Variants in SPOCK1 observed in about 807,000 individuals in gnomAD.
The protein encoded by SPOCK1 is SPARC (osteonectin), cwcv and kazal like domains proteoglycan 1.
A neutral mutation model predicts 55.3 loss-of-function variants in SPOCK1; 23 were observed. The ratio of observed to expected loss-of-function variants is 0.42; its 90% CI spans 0.30 to 0.59. The LOEUF (loss-of-function observed/expected upper bound fraction) is 0.59. SPOCK1 is among the 20% of genes least tolerant of loss of function. SPOCK1 has a pLI of 0.22. For missense variants in SPOCK1, 499 were observed against 552.5 expected, an observed-to-expected ratio of 0.90 and a Z score of 0.97; for synonymous variants, 226 against 221.0, an observed-to-expected ratio of 1.02 and a Z score of -0.20.
Position 137,487,308 on chromosome 5 carries a change from G to A in SPOCK1, c.186+11065C>T, listed in dbSNP as rs1336596821. Among the ~76,000 whole-genome samples the A allele has an allele frequency of 2.0e-5, 3 of 150,204 alleles. 1 individual carries two copies. The East Asian group carries it at 5.8e-4, about 29-fold the overall frequency. On this transcript the variant is annotated intron_variant, in intron 2 of 10. Coordinates refer to ENST00000394945, the MANE Select transcript of SPOCK1 (RefSeq NM_004598.4). ...TTGATGAGTCCTTTTTTAGGGGGCA[G>A]GGGAGTGGATGCCTTCTGATCTTTC...
At chr5:136,987,772 C>T (rs771859363) in intron 8 of SPOCK1, among the ~76,000 whole-genome samples, 8 of 151,772 alleles carry the variant, frequency 5.3e-5, no homozygotes, top group Non-Finnish European at 1.0e-4. Context: ...GTCCCATTAA[C>T]TGTGACTGCC....
intron 3 of SPOCK1, among the ~76,000 whole-genome samples, chr5:137,212,587 G>A (rs552723225): frequency 1.3e-5 from 2 of 152,320 alleles, no homozygotes; most frequent in East Asian, 3.9e-4. Context: ...GGCCTGATTT[G>A]CCTGCATAGT....
At chr5:137,434,020 T>C (rs1444502794) in intron 2 of SPOCK1, among the ~76,000 whole-genome samples, 1 of 152,206 alleles carries the variant, frequency 6.6e-6, no homozygotes, top group East Asian at 1.9e-4. Context: ...CAACAGCAAT[T>C]TTAGTGACAT....
At chr5:137,180,794 G>GC (rs1561463595) in intron 3 of SPOCK1, among the ~76,000 whole-genome samples, 1 of 152,254 alleles carries the variant, frequency 6.6e-6, no homozygotes, top group South Asian at 2.1e-4. Flanking sequence ...CAAAATAGAA[G>GC]CCCCCAGGGT....
intron 9 of SPOCK1, among the ~76,000 whole-genome samples, chr5:136,983,927 C>G (rs1750785778): frequency 6.6e-6 from 1 of 152,150 alleles, no homozygotes; most frequent in Admixed American, 6.5e-5. Context: ...ACAGGTGACC[C>G]TTACCAATGA....
At position 137,288,231 on chromosome 5, in the gene SPOCK1, G is replaced by A. The variant is rs766485799; in HGVS notation, c.187-21176C>T. On this transcript the variant is annotated intron_variant, in intron 2 of 10. Transcript: ENST00000394945. Reference sequence around the variant, plus strand: ...TCTATCTCAATTTTGGTAAAGTTCCGTGGCTCAATGCACACTGCTACTGAC... The same window carrying A: ...TCTATCTCAATTTTGGTAAAGTTCCATGGCTCAATGCACACTGCTACTGAC... Among the ~76,000 whole-genome samples, 6 of 152,250 alleles carry A rather than the reference G, an allele frequency of 3.9e-5. 1 individual carries two copies. In the East Asian group the frequency reaches 5.8e-4, roughly 15 times the overall value.
chr5:137,006,832 A>G (rs759838175), intron 6 of SPOCK1, among the ~76,000 whole-genome samples: 3 of 152,066 alleles, frequency 2.0e-5, no homozygotes, highest in Non-Finnish European at 4.4e-5. Context: ...TTGCTGTGGG[A>G]TTGTCATAAA....
At chr5:137,181,320 T>C (rs770565812) in intron 3 of SPOCK1, among the ~76,000 whole-genome samples, 4 of 152,200 alleles carry the variant, frequency 2.6e-5, no homozygotes, top group Non-Finnish European at 4.4e-5. Context: ...CTTTATTCCA[T>C]AATCAGTGAG....
intron 2 of SPOCK1, among the ~76,000 whole-genome samples, chr5:137,474,713 G>A (rs999279947): frequency 2.6e-5 from 4 of 152,136 alleles, no homozygotes; most frequent in African/African-American, 9.7e-5. Context: ...TCAGATTTGG[G>A]ACAATTAGTG....
intron 3 of SPOCK1, among the ~76,000 whole-genome samples, chr5:137,157,317 C>T (rs966699): frequency 0.94 from 142,734 of 152,348 alleles, 66,941 homozygotes; most frequent in South Asian, 0.96. Context: ...TGGTACTTCA[C>T]TGTGTGGCAA....
intron 2 of SPOCK1, among the ~76,000 whole-genome samples, chr5:137,302,980 C>T (rs1012868815): frequency 1.3e-5 from 2 of 152,148 alleles, no homozygotes; most frequent in African/African-American, 4.8e-5. Context: ...CATGAGAATC[C>T]TTCTGAGGAA....
intron 2 of SPOCK1, among the ~76,000 whole-genome samples, chr5:137,378,433 C>T (rs1338113588): frequency 6.6e-6 from 1 of 152,216 alleles, no homozygotes; most frequent in Non-Finnish European, 1.5e-5. Context: ...ACACTGTGGA[C>T]ATGCCAGTTG....
At chr5:137,070,513 A>G (rs2127007684) in intron 5 of SPOCK1, among the ~76,000 whole-genome samples, 1 of 152,326 alleles carries the variant, frequency 6.6e-6, no homozygotes, top group South Asian at 2.1e-4. Context: ...GGCAGAAAGA[A>G]GGGAGCCACA....
chr5:137,341,415 G>A (rs1047117393), intron 2 of SPOCK1, among the ~76,000 whole-genome samples: 2 of 152,222 alleles, frequency 1.3e-5, no homozygotes, highest in Admixed American at 6.5e-5. Flanking sequence ...GAATCAGGAC[G>A]CTGCCAAGGA....
chr5:137,343,596 A>G (rs1348612401), intron 2 of SPOCK1, among the ~76,000 whole-genome samples: 1 of 152,228 alleles, frequency 6.6e-6, no homozygotes, highest in Non-Finnish European at 1.5e-5. Flanking sequence ...TGTGAAGCTC[A>G]GCCTCTCAGC....
In SPOCK1 at chr5:137,054,028, T is replaced by C. The variant is rs542400133; in HGVS notation, c.589+13687A>G. ...CTTTTGGAAGGCTGGTATTGTCAAA[T>C]TGTACAAAGAGCAGATCCATGTCTG... is the stretch of plus-strand genomic sequence containing the variant. On this transcript the variant is annotated intron_variant, in intron 6 of 10. Transcript: ENST00000394945. Among the ~76,000 whole-genome samples the C allele has an allele frequency of 5.9e-5, 9 of 152,244 alleles. No individual in the cohort carries two copies. The South Asian group carries it at 1.9e-3, about 32-fold the overall frequency.
intron 6 of SPOCK1, among the ~76,000 whole-genome samples, chr5:137,027,186 T>C (rs1393960388): frequency 6.6e-6 from 1 of 152,220 alleles, no homozygotes; most frequent in African/African-American, 2.4e-5. Context: ...GGGACCCTGC[T>C]TCACAGGCCT....
rs377561951 is a variant in SPOCK1 at position 137,248,924 on chromosome 5, T to G, written c.232+18086A>C. Among the ~76,000 whole-genome samples the G allele has an allele frequency of 3.3e-4, 51 of 152,344 alleles. No individual in the cohort carries two copies. In the South Asian group the frequency reaches 0.01, roughly 30 times the overall value. ...CCAAGGAGGCCCAGAAAACATTTCT[T>G]ATGTTATCAAAGATAAGTTGACTTT... On this transcript the variant is annotated intron_variant, in intron 3 of 10. Transcript: ENST00000394945.
intron 2 of SPOCK1, among the ~76,000 whole-genome samples, chr5:137,380,401 G>C (rs1474139307): frequency 6.6e-6 from 1 of 152,224 alleles, no homozygotes; most frequent in East Asian, 1.9e-4. Context: ...TAATGTATGA[G>C]TGTGAGCTTC....
Sources: allele counts gnomAD v4.1 joint callset (sites outside exome capture counted in the v4.1 genomes callset), GRCh38; gene constraint gnomAD v4.1.1; transcripts MANE v1.5; gene names NCBI Gene and HGNC (gene_info 2026-07-23, HGNC 2026-07-21).